Variants in IL36B observed in about 807,000 individuals in gnomAD.
The protein encoded by IL36B is interleukin-36 beta.
A neutral mutation model predicts 19.3 loss-of-function variants in IL36B; 23 were observed. The ratio of observed to expected loss-of-function variants is 1.19; its 90% CI spans 0.86 to 1.69. IL36B has a LOEUF of 1.69. Ranked by LOEUF, IL36B falls within the 40% of genes most tolerant of loss-of-function variation. IL36B has a pLI of 0.00. For missense variants in IL36B, 217 were observed against 200.5 expected (o/e 1.08, Z -0.50); for synonymous variants, 59 against 59.7 (o/e 0.99, Z 0.05).
chr2:113,051,552 A>C (rs1685446201), intron 1 of IL36B, among the ~76,000 whole-genome samples: 1 of 152,130 alleles, frequency 6.6e-6, no homozygotes, highest in African/African-American at 2.4e-5. Context: ...CACGGGGCTG[A>C]GGGCAGGCAA....
rs1382261804 is a variant in IL36B, at chr2:113,022,746, A to G, written c.423T>C (p.His141=). 6.2e-7 allele frequency: 1 copy of G among 1,613,044 alleles called. No homozygotes were observed. The highest frequency in any genetic ancestry group is 8.5e-7 in the Non-Finnish European group (1 of 1,179,116). Residue 141 remains histidine (H), a synonymous_variant, in exon 6 of 6, where the codon CAT becomes CAC. Coordinates refer to ENST00000259213, the MANE Select transcript of IL36B (RefSeq NM_014438.5). ...CTTTGTCCTTCTTCCTGAGATGGTG[A>G]TGTTGAAAGGAACTCTTCCACTTCT...
At chr2:113,023,599 GTC>G (rs1373088943) in intron 5 of IL36B, among the ~76,000 whole-genome samples, 3 of 152,304 alleles carry the variant, frequency 2.0e-5, no homozygotes, top group East Asian at 3.9e-4. Context: ...GTCTTTGCTA[GTC>G]TCTGTCTCAT....
chr2:113,050,504 G>C (rs1685424750), intron 1 of IL36B, among the ~76,000 whole-genome samples: 1 of 152,192 alleles, frequency 6.6e-6, no homozygotes, highest in African/African-American at 2.4e-5. Context: ...TCTGCAAAAC[G>C]AGAAGAGTTC....
chr2:113,039,488 T>G (rs1285445754), intron 1 of IL36B, among the ~76,000 whole-genome samples: 1 of 152,172 alleles, frequency 6.6e-6, no homozygotes, highest in Non-Finnish European at 1.5e-5. Context: ...TGATTTCTCA[T>G]CTGAAGAGGC....
At chr2:113,027,773 A>G in intron 4 of IL36B, 3 of 1,463,952 alleles carry the variant, frequency 2.0e-6, no homozygotes, top group Non-Finnish European at 2.7e-6. Flanking sequence ...TGGCTTTTGG[A>G]TAGTAAGAAT....
At chr2:113,048,297 C>G (rs1020699176) in intron 1 of IL36B, among the ~76,000 whole-genome samples, 2 of 152,078 alleles carry the variant, frequency 1.3e-5, no homozygotes, top group Admixed American at 6.6e-5. Context: ...CAACAGTTAG[C>G]CAGGCATGGT....
Position 113,044,260 on chromosome 2 carries a change from ATGTGTGTGTGTGTGTGTG to A in IL36B, c.-58+8539_-58+8556del, listed in dbSNP as rs56838257. ...TTTACTTTGATATATCTATATCTAT[ATGTGTGTGTGTGTGTGTG>A]TGTGTGTGTGTGTGTGTGTGTGTGT... On this transcript the variant is annotated intron_variant, in intron 1 of 5. Transcript: ENST00000259213. Among the ~76,000 whole-genome samples the A allele has an allele frequency of 2.7e-3, 387 of 142,550 alleles. 3 individuals carry two copies. The highest frequency in any genetic ancestry group is 8.7e-3 in the African/African-American group (339 of 38,812). 93.5% of individuals were successfully genotyped at this position (142,550 alleles called of 152,430 possible). A position where few individuals can be genotyped will look rare whatever the true frequency, so the allele number is the denominator to read the frequency against.
At chr2:113,024,999 G>T (rs960019038) in intron 5 of IL36B, among the ~76,000 whole-genome samples, 1 of 152,170 alleles carries the variant, frequency 6.6e-6, no homozygotes, top group Non-Finnish European at 1.5e-5. Flanking sequence ...TCCTTCTCTT[G>T]TGCCCCTATG....
At chr2:113,029,467 T>C (rs559836644) in intron 3 of IL36B, among the ~76,000 whole-genome samples, 1 of 152,300 alleles carries the variant, frequency 6.6e-6, no homozygotes, top group African/African-American at 2.4e-5. Flanking sequence ...GAGATGATGT[T>C]ATCTTAGAAA....
chr2:113,027,547 A>G (rs1684986772), intron 4 of IL36B: 1 of 1,037,622 alleles, frequency 9.6e-7, no homozygotes, highest in African/African-American at 1.7e-5. Context: ...ACAAAATGTC[A>G]TGAATCCACA....
intron 1 of IL36B, among the ~76,000 whole-genome samples, chr2:113,039,563 A>T (rs1685219185): frequency 6.6e-6 from 1 of 152,094 alleles, no homozygotes; most frequent in Admixed American, 6.6e-5. Context: ...TCCAAACTAG[A>T]GGGGAGGATG....
At chr2:113,029,153 G>A in intron 3 of IL36B, 75 bp from the exon 4 acceptor site, 1 of 1,456,762 alleles carries the variant, frequency 6.9e-7, no homozygotes, top group Non-Finnish European at 9.4e-7. Flanking sequence ...CCCCAGGTAG[G>A]GAATAGTGAC....
chr2:113,047,120 G>C (rs1307621948), intron 1 of IL36B, among the ~76,000 whole-genome samples: 1 of 152,090 alleles, frequency 6.6e-6, no homozygotes, highest in Non-Finnish European at 1.5e-5. Flanking sequence ...TTTGGCCATT[G>C]GAAGCACTTT....
chr2:113,034,749 C>T (rs1415961769), intron 1 of IL36B, among the ~76,000 whole-genome samples: 1 of 152,210 alleles, frequency 6.6e-6, no homozygotes, highest in Non-Finnish European at 1.5e-5. Context: ...TTGACCTCCT[C>T]ATGGAGAAGG....
intron 1 of IL36B, among the ~76,000 whole-genome samples, chr2:113,043,594 C>T (rs768805820): frequency 1.3e-5 from 2 of 152,260 alleles, no homozygotes; most frequent in South Asian, 4.2e-4. Context: ...CAGAGTCTTG[C>T]TCTGTCGCCC....
At chr2:113,022,803 A>C (rs374123046) in intron 5 of IL36B, 97 of 1,459,908 alleles carry the variant, frequency 6.6e-5, no homozygotes, top group South Asian at 4.1e-4. Context: ...AGTATCTCCT[A>C]GGCTTAGCAA....
intron 1 of IL36B, among the ~76,000 whole-genome samples, chr2:113,036,950 G>A (rs1198801954): frequency 6.6e-6 from 1 of 152,268 alleles, no homozygotes; most frequent in Non-Finnish European, 1.5e-5. Context: ...CGATTCTCCA[G>A]TCTGGGGAAT....
intron 1 of IL36B, among the ~76,000 whole-genome samples, chr2:113,036,262 T>A (rs1008262670): frequency 6.6e-6 from 1 of 151,936 alleles, no homozygotes; most frequent in Non-Finnish European, 1.5e-5. Flanking sequence ...ATATTATTTT[T>A]AAAGCAATAT....
intron 1 of IL36B, among the ~76,000 whole-genome samples, chr2:113,033,322 C>G (rs1030344210): frequency 6.6e-6 from 1 of 152,188 alleles, no homozygotes; most frequent in African/African-American, 2.4e-5. Context: ...ACTTCCGCCT[C>G]TCAGGTTCAA....
Sources: gnomAD v4.1 joint callset for allele counts (sites outside exome capture counted in the v4.1 genomes callset) on GRCh38, gnomAD v4.1.1 for gene constraint, MANE v1.5 for transcripts, NCBI Gene and HGNC (gene_info 2026-07-23, HGNC 2026-07-21) for gene names.